The following PLEKHG3 variants were observed in gnomAD, a reference collection of about 807,000 sequenced individuals.
PLEKHG3 encodes pleckstrin homology and RhoGEF domain containing G3.
Under a neutral mutation model 94.9 loss-of-function variants are expected in PLEKHG3, and 62 were observed. The observed-to-expected ratio is 0.65, with a 90% CI of 0.53 to 0.81. The LOEUF (loss-of-function observed/expected upper bound fraction) is 0.81. Among genes scored for constraint, PLEKHG3 ranks in the 30% least tolerant of loss-of-function variants. PLEKHG3 has a pLI of 0.00. For synonymous variants in PLEKHG3, 614 were observed against 654.0 expected (o/e 0.94, Z 0.93); for missense variants, 1,461 against 1,619.3 (o/e 0.90, Z 1.68).
chr14:64,747,889 A>AGAGTG lies in PLEKHG3; in HGVS notation c.*4188_*4192dup, dbSNP rs1555364300. 2.1e-5 allele frequency: 3 copies of AGAGTG among 144,796 alleles called. No homozygotes were observed. Among genetic ancestry groups the AGAGTG allele is most frequent in the African/African-American group, 7.7e-5 (3 of 38,912 alleles). 9.0% of individuals were successfully genotyped at this position (144,796 alleles called of 1,614,324 possible). A position where few individuals can be genotyped will look rare whatever the true frequency, so the allele number is the denominator to read the frequency against. Reference sequence around the variant, plus strand: ...GCCAGAACTGTGTTGCTTTCGGAGTAGAGTGGTGGGGAAAATATGGAATGA... The same window carrying AGAGTG: ...GCCAGAACTGTGTTGCTTTCGGAGTAGAGTGGAGTGGTGGGGAAAATATGGAATGA... On this transcript the variant is annotated 3_prime_UTR_variant, in exon 17 of 17. Transcript: ENST00000247226.
rs1000807104 is a variant in PLEKHG3, at chr14:64,722,095, G to T, written c.-39-5498G>T. ...ATTGTTTGGGGGAAGGACAAAAGCC[G>T]CTGGGCCACCCTGGCTTTGAGAGCC... On this transcript the variant is annotated intron_variant, in intron 1 of 16. Transcript: ENST00000247226. The surrounding 1 kb of genome is among the most constrained non-coding windows in gnomAD (Gnocchi z 4.3). 1.3e-5 allele frequency among the ~76,000 whole-genome samples: 2 copies of T among 152,190 alleles called. No homozygotes were observed. Among genetic ancestry groups the T allele is most frequent in the Non-Finnish European group, 2.9e-5 (2 of 68,024 alleles).
At position 64,718,027 on chromosome 14, in the gene PLEKHG3, GGGT is replaced by G. The variant is rs2081198601; in HGVS notation, c.-39-9565_-39-9563del. 6.6e-6 allele frequency among the ~76,000 whole-genome samples: 1 copy of G among 152,150 alleles called. No individual in the cohort carries two copies. The highest frequency in any genetic ancestry group is 1.5e-5 in the Non-Finnish European group (1 of 68,026). On this transcript the variant is annotated intron_variant, in intron 1 of 16. Transcript: ENST00000247226. The surrounding 1 kb of genome is among the most constrained non-coding windows in gnomAD (Gnocchi z 5.0). Reference sequence around the variant, plus strand: ...GTTGCCCGGGGCGTGGGGGTGGTCTGGGTCCTCTCGGGACTCAGCTGCTCTCTT... The same window carrying G: ...GTTGCCCGGGGCGTGGGGGTGGTCTGCCTCTCGGGACTCAGCTGCTCTCTT...
intron 1 of PLEKHG3, among the ~76,000 whole-genome samples, chr14:64,708,644 C>A (rs769936799): frequency 6.6e-6 from 1 of 152,288 alleles, no homozygotes; most frequent in East Asian, 1.9e-4. Flanking sequence ...GCTGAGTCTC[C>A]GACCCTCTCT....
In PLEKHG3 at chr14:64,742,012, C is replaced by T. The variant is rs376494441; in HGVS notation, c.2495C>T (p.Pro832Leu). Residue 832 changes from proline to leucine, a missense_variant, in exon 16 of 17, where the codon CCA becomes CTA. Coordinates refer to ENST00000247226, the MANE Select transcript of PLEKHG3 (RefSeq NM_001308147.2). ...TCCGGAGGGAGCCCTGGGAAGGGGC[C>T]AGGCCAGGGCCAGGCCAATGGCTTT... The part of the protein sequence containing the change: ...ESSGGSPGKG[P>L]GQGQANGFDL... 94 of 1,578,218 alleles carry T rather than the reference C, an allele frequency of 6.0e-5. No homozygotes were observed. The Middle Eastern group carries it at 1.5e-3, about 26-fold the overall frequency.
At chr14:64,711,236 G>A (rs2081062141) in intron 1 of PLEKHG3, among the ~76,000 whole-genome samples, 1 of 152,092 alleles carries the variant, frequency 6.6e-6, no homozygotes, top group Admixed American at 6.5e-5. Context: ...TTGAAACTCT[G>A]CATGCTCTTG....
intron 1 of PLEKHG3, among the ~76,000 whole-genome samples, chr14:64,712,390 G>T (rs978115206): frequency 6.6e-6 from 1 of 152,068 alleles, no homozygotes; most frequent in Non-Finnish European, 1.5e-5. Flanking sequence ...GATAGAGATT[G>T]TATTGCATCT....
At position 64,730,296 on chromosome 14, in the gene PLEKHG3, G is replaced by C; in HGVS notation, c.503G>C (p.Ser168Thr). The change falls in exon 4 of 17, where the codon AGC becomes ACC. Residue 168 changes from serine to threonine, a missense_variant. Physicochemically the swap from Ser to Thr is moderately conservative, Grantham distance 58 (BLOSUM62 1). This residue lies in a region of PLEKHG3 where 253 missense variants were observed against 297.8 expected (regional missense o/e 0.85). Coordinates refer to ENST00000247226, the MANE Select transcript of PLEKHG3 (RefSeq NM_001308147.2). The surrounding 1 kb of genome is among the most constrained non-coding windows in gnomAD (Gnocchi z 5.4). ...SCNSDPVAVA[S>T]CFVERSQEFD... is the part of the protein sequence containing the mutation. ...AATAGTGACCCCGTGGCTGTGGCCA[G>C]CTGCTTTGTGGAAAGGGTAAGAAGG... 1 of 1,534,576 alleles carries C rather than the reference G, an allele frequency of 6.5e-7. No individual in the cohort carries two copies. The highest frequency in any genetic ancestry group is 1.4e-5 in the African/African-American group (1 of 73,128).
At chr14:64,707,249 T>G (rs1298424742) in intron 1 of PLEKHG3, among the ~76,000 whole-genome samples, 2 of 152,216 alleles carry the variant, frequency 1.3e-5, no homozygotes, top group Non-Finnish European at 2.9e-5. Context: ...ACCTGGCAGA[T>G]CCTCATTTCC....
rs2081794704 is a variant in PLEKHG3 at position 64,744,588 on chromosome 14, C to T, written c.*885C>T. The stretch of plus-strand genomic sequence containing the variant: ...TCTCTGTCTAGCAGCAGCCTGCTGT[C>T]CTGTCTAGGGTAGGGGGTCCCGCAT... On this transcript the variant is annotated 3_prime_UTR_variant, in exon 17 of 17. Coordinates refer to ENST00000247226, the MANE Select transcript of PLEKHG3 (RefSeq NM_001308147.2). 6.6e-6 allele frequency: 1 copy of T among 152,084 alleles called. No individual in the cohort carries two copies. The highest frequency in any genetic ancestry group is 2.1e-4 in the South Asian group (1 of 4,828). 9.4% of individuals were successfully genotyped at this position (152,084 alleles called of 1,614,324 possible). A position where few individuals can be genotyped will look rare whatever the true frequency, so the allele number is the denominator to read the frequency against.
In PLEKHG3 at chr14:64,731,992, G is replaced by C. The variant is rs528048495; in HGVS notation, c.1126-103G>C. The C allele has an allele frequency of 1.1e-6, 1 of 940,512 alleles. No homozygotes were observed. The highest frequency in any genetic ancestry group is 1.7e-6 in the Non-Finnish European group (1 of 578,458). 58.3% of individuals were successfully genotyped at this position (940,512 alleles called of 1,614,324 possible). The stretch of plus-strand genomic sequence containing the variant: ...TCAGGTTAACCTCACAGAGGCCCCA[G>C]CATGGCCCCACTTTTTCTCCCTGGG... On this transcript the variant is annotated intron_variant, in intron 9 of 16. Transcript: ENST00000247226. This position sits in a 1 kb window ranked among gnomAD's most constrained non-coding sequence, Gnocchi z 6.1.
intron 15 of PLEKHG3, among the ~76,000 whole-genome samples, chr14:64,740,439 AG>A: frequency 6.6e-6 from 1 of 152,326 alleles, no homozygotes; most frequent in South Asian, 2.1e-4. Context: ...CTGGGCCCAC[AG>A]GTACTGGGAG....
intron 14 of PLEKHG3, chr14:64,737,967 G>A: frequency 8.1e-7 from 1 of 1,237,680 alleles, no homozygotes; most frequent in Non-Finnish European, 1.0e-6. Flanking sequence ...AGAGGAAGAG[G>A]AGGAGGTGGT....
Position 64,727,501 on chromosome 14 carries a change from A to ACCCCCCCTTCCCC in PLEKHG3, c.-39-88_-39-87insCCCTTCCCCCCCC. The stretch of plus-strand genomic sequence containing the variant: ...TGGATGCACTAAATAATACCTTCCC[A>ACCCCCCCTTCCCC]CCCCACCTGCCCCCACCCCTGGCAA... On this transcript the variant is annotated intron_variant, in intron 1 of 16. Transcript: ENST00000247226. The surrounding 1 kb of genome is among the most constrained non-coding windows in gnomAD (Gnocchi z 6.0). 1 of 280,842 alleles carries ACCCCCCCTTCCCC rather than the reference A, an allele frequency of 3.6e-6. No homozygotes were observed. The highest frequency in any genetic ancestry group is 2.8e-5 in the African/African-American group (1 of 35,734). The allele number at this position is 280,842 out of a possible 1,614,324, so 17.4% of individuals were successfully genotyped here.
At position 64,732,571 on chromosome 14, in the gene PLEKHG3, G is replaced by A. The variant is rs899640521; in HGVS notation, c.1246+111G>A. 42 of 992,382 alleles carry A rather than the reference G, an allele frequency of 4.2e-5. No homozygotes were observed. Among genetic ancestry groups the A allele is most frequent in the Non-Finnish European group, 6.3e-5 (39 of 618,648 alleles). 61.5% of individuals were successfully genotyped at this position (992,382 alleles called of 1,614,324 possible). A position where few individuals can be genotyped will look rare whatever the true frequency, so the allele number is the denominator to read the frequency against. ...ATTTTATTCCAGGAGCAGGGAGGGC[G>A]GGGGTCTCCTGTTAAGGGCTGGGGG... is the stretch of plus-strand genomic sequence containing the variant. On this transcript the variant is annotated intron_variant, in intron 11 of 16. Coordinates refer to ENST00000247226, the MANE Select transcript of PLEKHG3 (RefSeq NM_001308147.2). The surrounding 1 kb of genome is among the most constrained non-coding windows in gnomAD (Gnocchi z 4.9).
chr14:64,738,793 G>T lies in PLEKHG3; in HGVS notation c.1456G>T (p.Gly486Cys). ...CTCCAGGAGCAGCAGAAGGCCCAGT[G>T]GCCGGTCTCCAACCAGTACTGAGAA... The part of the protein sequence containing the change: ...ESSRSSRRPS[G>C]RSPTSTEKRM... Residue 486 changes from glycine (G) to cysteine (C), a missense_variant, in exon 15 of 17, where the codon GGC (glycine) becomes TGC (cysteine). Gly to Cys is a radical substitution (Grantham distance 159, BLOSUM62 -3). Around this residue, in one of 3 missense-constraint regions of PLEKHG3, gnomAD observed 1,201 missense variants for 1,295.5 expected, o/e 0.93. Coordinates refer to ENST00000247226, the MANE Select transcript of PLEKHG3 (RefSeq NM_001308147.2). The surrounding 1 kb of genome is among the most constrained non-coding windows in gnomAD (Gnocchi z 4.8). 1 of 1,600,886 alleles carries T rather than the reference G, an allele frequency of 6.2e-7. No individual in the cohort carries two copies.
intron 1 of PLEKHG3, among the ~76,000 whole-genome samples, chr14:64,705,111 C>G (rs182364667): frequency 8.1e-4 from 123 of 152,316 alleles, no homozygotes; most frequent in Non-Finnish European, 1.5e-3. Flanking sequence ...AGCCTCGGCT[C>G]CTGCCAGCCC....
rs1469304189 is a variant in PLEKHG3 at position 64,726,076 on chromosome 14, T to TGTCTAATTGGGGG, written c.-39-1507_-39-1506insGGGGTCTAATTGG. On this transcript the variant is annotated intron_variant, in intron 1 of 16. Transcript: ENST00000247226. This position sits in a 1 kb window ranked among gnomAD's most constrained non-coding sequence, Gnocchi z 5.1. ...ATTGGAAGGTTCCTGGAGGGGGCGA[T>TGTCTAATTGGGGG]GTCTAATTGGAGACCTAAAGATTGG... 2.0e-5 allele frequency among the ~76,000 whole-genome samples: 3 copies of TGTCTAATTGGGGG among 152,134 alleles called. No individual in the cohort carries two copies.
chr14:64,737,789 C>G (rs528563449), intron 14 of PLEKHG3: 131 of 787,636 alleles, frequency 1.7e-4, no homozygotes, highest in Admixed American at 1.6e-3. Context: ...AGGCTCCCCC[C>G]CCGCAGCTGC....
chr14:64,706,852 C>A (rs970015181), intron 1 of PLEKHG3, among the ~76,000 whole-genome samples: 3 of 152,260 alleles, frequency 2.0e-5, no homozygotes, highest in African/African-American at 4.8e-5. Flanking sequence ...GCTCCCAGAA[C>A]CTTGTGAAGG....
Sources: allele counts gnomAD v4.1 joint callset (sites outside exome capture counted in the v4.1 genomes callset), GRCh38; gene constraint gnomAD v4.1.1; regional missense constraint gnomAD v4.1.1; non-coding constraint Gnocchi (gnomAD v3.1); transcripts MANE v1.5; gene names NCBI Gene and HGNC (gene_info 2026-07-23, HGNC 2026-07-21).